The following SMAD7 variants were observed in gnomAD, a reference collection of about 807,000 sequenced individuals.
SMAD7 encodes SMAD family member 7, also known as MAD (mothers against decapentaplegic, Drosophila) homolog 7.
In SMAD7, 8 loss-of-function variants were observed where a neutral mutation model predicts 38.7. That is an observed-to-expected ratio of 0.21 (90% CI 0.12 to 0.37). The LOEUF is 0.37. Among genes scored for constraint, SMAD7 ranks in the 10% least tolerant of loss-of-function variants. SMAD7 has a pLI of 1.00. For missense variants in SMAD7, 477 were observed against 577.9 expected (o/e 0.83, Z 1.79); for synonymous variants, 327 against 265.1 (o/e 1.23, Z -2.27).
At chr18:48,941,867 A>G (rs926370469) in intron 3 of SMAD7, among the ~76,000 whole-genome samples, 2 of 152,134 alleles carry the variant, frequency 1.3e-5, no homozygotes, top group Admixed American at 1.3e-4. Flanking sequence ...GCCTTCACGC[A>G]TACCTGTGAG....
intron 3 of SMAD7, among the ~76,000 whole-genome samples, chr18:48,941,524 C>CCA (rs2070139487): frequency 6.6e-6 from 1 of 152,162 alleles, no homozygotes; most frequent in Non-Finnish European, 1.5e-5. Context: ...AGAGGATACA[C>CCA]CACAACAGGG....
intron 2 of SMAD7, 30 bp downstream of exon 2, chr18:48,948,354 A>G: frequency 6.6e-7 from 1 of 1,509,510 alleles, no homozygotes; most frequent in South Asian, 1.2e-5. Context: ...ACTTAAGATA[A>G]GCAGGATATT....
At position 48,950,571 on chromosome 18, in the gene SMAD7, G is replaced by T; in HGVS notation, c.-147C>A. 1.5e-6 allele frequency: 1 copy of T among 645,250 alleles called. No homozygotes were observed. Among genetic ancestry groups the T allele is most frequent in the South Asian group, 4.0e-5 (1 of 24,996 alleles). The allele number at this position is 645,250 out of a possible 1,614,324, so 40.0% of individuals were successfully genotyped here. On this transcript the variant is annotated 5_prime_UTR_variant, in exon 1 of 4. Transcript: ENST00000262158. The stretch of plus-strand genomic sequence containing the variant: ...CAGGGGCCCGGGCAGGAGCGGCGGC[G>T]GCCCGAGGGGCGCTCCGTGGCATGC...
chr18:48,929,165 G>C, intron 3 of SMAD7, among the ~76,000 whole-genome samples: 1 of 152,098 alleles, frequency 6.6e-6, no homozygotes, highest in Admixed American at 6.6e-5. Context: ...CAAATTTCCA[G>C]ATACTTCCCC....
intron 3 of SMAD7, among the ~76,000 whole-genome samples, chr18:48,930,633 G>A (rs558221297): frequency 2.6e-5 from 4 of 152,124 alleles, no homozygotes; most frequent in Non-Finnish European, 5.9e-5. Context: ...TCCCCTCCCC[G>A]CTTTCTCACT....
At chr18:48,928,627 T>A (rs1350132169) in intron 3 of SMAD7, among the ~76,000 whole-genome samples, 1 of 151,866 alleles carries the variant, frequency 6.6e-6, no homozygotes, top group Non-Finnish European at 1.5e-5. Flanking sequence ...CCTTGCCACC[T>A]CTCCCAAGCC....
chr18:48,949,396 G>A (rs1473474878), intron 1 of SMAD7: 6 of 462,488 alleles, frequency 1.3e-5, no homozygotes, highest in Non-Finnish European at 1.7e-5. Context: ...TTCCTTGGCG[G>A]GCCTGGACCA....
chr18:48,945,835 C>T (rs1018721170), intron 2 of SMAD7, among the ~76,000 whole-genome samples: 11 of 152,176 alleles, frequency 7.2e-5, no homozygotes, highest in Admixed American at 2.0e-4. Context: ...CAGCTATCCC[C>T]GAGATCCAGC....
intron 3 of SMAD7, among the ~76,000 whole-genome samples, chr18:48,924,676 C>G (rs552648887): frequency 6.6e-6 from 1 of 152,122 alleles, no homozygotes; most frequent in Non-Finnish European, 1.5e-5. Flanking sequence ...CCTAACCCAC[C>G]GCAGGGAGAC....
At chr18:48,939,172 AACACACAC>A in intron 3 of SMAD7, among the ~76,000 whole-genome samples, 1 of 73,226 alleles carries the variant, frequency 1.4e-5, no homozygotes, top group East Asian at 3.7e-4. Context: ...CCACCCCCAC[AACACACAC>A]ACACGCATAC....
At chr18:48,938,386 C>T (rs1353907166) in intron 3 of SMAD7, among the ~76,000 whole-genome samples, 1 of 152,206 alleles carries the variant, frequency 6.6e-6, no homozygotes, top group Non-Finnish European at 1.5e-5. Context: ...TGACTTCGCA[C>T]AGCCAAGAGA....
At chr18:48,940,315 C>A (rs1266031116) in intron 3 of SMAD7, among the ~76,000 whole-genome samples, 1 of 152,216 alleles carries the variant, frequency 6.6e-6, no homozygotes, top group Non-Finnish European at 1.5e-5. Context: ...AGCCACACTG[C>A]CCTTCAGAGA....
intron 3 of SMAD7, among the ~76,000 whole-genome samples, chr18:48,934,345 G>C (rs1353223602): frequency 6.6e-6 from 1 of 152,102 alleles, no homozygotes; most frequent in Non-Finnish European, 1.5e-5. Context: ...CACGAAGGCA[G>C]CCCTGAGTTC....
At chr18:48,934,617 C>A (rs760893118) in intron 3 of SMAD7, among the ~76,000 whole-genome samples, 1 of 152,104 alleles carries the variant, frequency 6.6e-6, no homozygotes, top group Non-Finnish European at 1.5e-5. Context: ...ATGAAAGATT[C>A]TTTAGTAAAA....
intron 3 of SMAD7, among the ~76,000 whole-genome samples, chr18:48,925,783 G>A (rs2069919981): frequency 6.6e-6 from 1 of 151,004 alleles, no homozygotes; most frequent in African/African-American, 2.4e-5. Context: ...GTCTCGCTCT[G>A]TCGCCCAGGC....
rs1487863271 is a variant in SMAD7 at position 48,919,932 on chromosome 18, G to GA, written c.*1439dup. ...ATTCAGCTAGGTGATAACACCCATAGAAAAAAACACCAATCTTGTGTTTAT... is the reference window on the plus strand; with the variant it reads ...ATTCAGCTAGGTGATAACACCCATAGAAAAAAAACACCAATCTTGTGTTTAT... On this transcript the variant is annotated 3_prime_UTR_variant, in exon 4 of 4. Coordinates refer to ENST00000262158, the MANE Select transcript of SMAD7 (RefSeq NM_005904.4). The GA allele has an allele frequency of 2.6e-5, 4 of 152,512 alleles. No homozygotes were observed. Among genetic ancestry groups the GA allele is most frequent in the African/African-American group, 4.8e-5 (2 of 41,504 alleles). 9.4% of individuals were successfully genotyped at this position (152,512 alleles called of 1,614,324 possible). A position where few individuals can be genotyped will look rare whatever the true frequency, so the allele number is the denominator to read the frequency against.
At chr18:48,946,909 G>A (rs573268253) in intron 2 of SMAD7, among the ~76,000 whole-genome samples, 1 of 152,198 alleles carries the variant, frequency 6.6e-6, no homozygotes, top group African/African-American at 2.4e-5. Flanking sequence ...ACCCCTGCTG[G>A]TCTTTATCCC....
chr18:48,934,832 C>T (rs891658135), intron 3 of SMAD7, among the ~76,000 whole-genome samples: 7 of 151,838 alleles, frequency 4.6e-5, no homozygotes, highest in South Asian at 4.2e-4. Flanking sequence ...CTACCTTTCA[C>T]GAACCACTTT....
intron 2 of SMAD7, among the ~76,000 whole-genome samples, chr18:48,947,896 C>G (rs1005749076): frequency 2.8e-5 from 4 of 145,302 alleles, no homozygotes; most frequent in East Asian, 2.1e-4. Flanking sequence ...GAACCTACCC[C>G]CCCCCCCCTT....
Sources: gnomAD v4.1 joint callset for allele counts (sites outside exome capture counted in the v4.1 genomes callset) on GRCh38, gnomAD v4.1.1 for gene constraint, MANE v1.5 for transcripts, NCBI Gene and HGNC (gene_info 2026-07-23, HGNC 2026-07-21) for gene names.